The following RAPGEF5 variants were observed in gnomAD, a reference collection of about 807,000 sequenced individuals.
RAPGEF5 encodes Rap guanine nucleotide exchange factor 5.
Under a neutral mutation model 125.2 loss-of-function variants are expected in RAPGEF5, and 65 were observed. The ratio of observed to expected loss-of-function variants is 0.52; its 90% CI spans 0.43 to 0.64. The LOEUF (loss-of-function observed/expected upper bound fraction) is 0.64. RAPGEF5 is among the 30% of genes least tolerant of loss of function. The probability of loss-of-function intolerance (pLI) is 0.00; values close to 1 mark genes in which losing one functional copy is unlikely to be tolerated. For synonymous variants in RAPGEF5, 391 were observed against 385.9 expected (o/e 1.01, Z -0.16); for missense variants, 958 against 1,048.1 (o/e 0.91, Z 1.19).
intron 3 of RAPGEF5, among the ~76,000 whole-genome samples, chr7:22,310,970 T>A (rs1183948721): frequency 1.3e-5 from 2 of 152,146 alleles, no homozygotes; most frequent in Non-Finnish European, 2.9e-5. Context: ...TTCTGAAGTG[T>A]TTTGTCATTT....
chr7:22,126,886 A>T (rs577670936), intron 24 of RAPGEF5, among the ~76,000 whole-genome samples: 51 of 152,038 alleles, frequency 3.4e-4, no homozygotes, highest in African/African-American at 1.2e-3. Context: ...GCCTCCCAGA[A>T]TGCTGAGATT....
intron 7 of RAPGEF5, among the ~76,000 whole-genome samples, chr7:22,257,445 T>C (rs911572814): frequency 6.6e-6 from 1 of 152,216 alleles, no homozygotes; most frequent in African/African-American, 2.4e-5. Context: ...ATTCTATTTA[T>C]GAAACATATG....
At chr7:22,189,052 TAA>T (rs11434267) in intron 11 of RAPGEF5, among the ~76,000 whole-genome samples, 30 of 126,136 alleles carry the variant, frequency 2.4e-4, no homozygotes, top group African/African-American at 6.4e-4. Context: ...CTCATGAAAT[TAA>T]AAAAAAAAAA....
chr7:22,128,105 C>T (rs1782805022), intron 24 of RAPGEF5, among the ~76,000 whole-genome samples: 1 of 152,132 alleles, frequency 6.6e-6, no homozygotes, highest in Non-Finnish European at 1.5e-5. Flanking sequence ...AAGGCTCAAA[C>T]TGATGTAAGG....
chr7:22,167,204 A>C, intron 11 of RAPGEF5, 56 bp from the exon 12 acceptor site: 18 of 1,374,596 alleles, frequency 1.3e-5, no homozygotes, highest in Non-Finnish European at 1.8e-5. Flanking sequence ...TAAGAAGAGC[A>C]GCTGCTTATC....
intron 1 of RAPGEF5, among the ~76,000 whole-genome samples, chr7:22,326,132 T>C (rs1783809876): frequency 6.8e-6 from 1 of 147,266 alleles, no homozygotes; most frequent in Non-Finnish European, 1.5e-5. Context: ...TTTTGAAAGC[T>C]GCAGAACAAT....
chr7:22,154,793 T>TGAATAAAC (rs1783753073), intron 16 of RAPGEF5, among the ~76,000 whole-genome samples, 189 bp from the exon 17 acceptor site: 1 of 152,214 alleles, frequency 6.6e-6, no homozygotes, highest in Non-Finnish European at 1.5e-5. Flanking sequence ...TCTATAAATG[T>TGAATAAAC]GTGCTTGCAA....
intron 23 of RAPGEF5, among the ~76,000 whole-genome samples, chr7:22,133,910 A>G (rs1400211565): frequency 6.6e-6 from 1 of 152,194 alleles, no homozygotes; most frequent in Non-Finnish European, 1.5e-5. Flanking sequence ...AATCCACTTA[A>G]TTGATAATCT....
intron 1 of RAPGEF5, among the ~76,000 whole-genome samples, chr7:22,340,243 G>A (rs1048639810): frequency 6.6e-6 from 1 of 152,192 alleles, no homozygotes; most frequent in South Asian, 2.1e-4. Flanking sequence ...ATTCAGAGAA[G>A]AGAGACTGGG....
intron 24 of RAPGEF5, among the ~76,000 whole-genome samples, chr7:22,129,120 C>G (rs1351264306): frequency 1.3e-5 from 2 of 151,958 alleles, no homozygotes; most frequent in African/African-American, 4.8e-5. Context: ...AAGCTTTCCA[C>G]AGCTTGTTCC....
chr7:22,333,691 TTGG>T (rs1452580811), intron 1 of RAPGEF5, among the ~76,000 whole-genome samples: 1 of 152,228 alleles, frequency 6.6e-6, no homozygotes, highest in Non-Finnish European at 1.5e-5. Flanking sequence ...CCTGCATGAC[TTGG>T]TGGGATTTGC....
At chr7:22,179,861 A>G (rs1211919009) in intron 11 of RAPGEF5, among the ~76,000 whole-genome samples, 1 of 152,208 alleles carries the variant, frequency 6.6e-6, no homozygotes, top group Non-Finnish European at 1.5e-5. Context: ...AAAGGGGAGG[A>G]ACGTTGAGTC....
chr7:22,351,946 G>C (rs1562542801), intron 1 of RAPGEF5, among the ~76,000 whole-genome samples: 1 of 152,152 alleles, frequency 6.6e-6, no homozygotes, highest in African/African-American at 2.4e-5. Flanking sequence ...CATTCAGAGG[G>C]CTACCAGCTG....
At chr7:22,207,723 C>T (rs1328907595) in intron 9 of RAPGEF5, among the ~76,000 whole-genome samples, 4 of 152,118 alleles carry the variant, frequency 2.6e-5, no homozygotes, top group Non-Finnish European at 4.4e-5. Context: ...CAGTGAAACA[C>T]GCCAAGGACT....
intron 6 of RAPGEF5, among the ~76,000 whole-genome samples, chr7:22,268,625 T>G (rs575594210): frequency 2.1e-4 from 32 of 152,256 alleles, no homozygotes; most frequent in African/African-American, 7.5e-4. Context: ...GGTTTCTAGA[T>G]TCTATGATCT....
At chr7:22,263,878 A>G (rs1362558439) in intron 7 of RAPGEF5, among the ~76,000 whole-genome samples, 2 of 152,196 alleles carry the variant, frequency 1.3e-5, no homozygotes, top group Admixed American at 6.5e-5. Context: ...GAGATGATAT[A>G]TAACTTTCAA....
rs535920361 is a variant in RAPGEF5 at position 22,225,623 on chromosome 7, T to G, written c.870+5223A>C. Reference sequence around the variant, plus strand: ...GATTTAATTCAAGAAACCCATGAATTTATTAATATATTGTGGGAGCTTTGC... The same window carrying G: ...GATTTAATTCAAGAAACCCATGAATGTATTAATATATTGTGGGAGCTTTGC... On this transcript the variant is annotated intron_variant, in intron 8 of 25. Transcript: ENST00000665637. 2.6e-5 allele frequency among the ~76,000 whole-genome samples: 4 copies of G among 152,296 alleles called. No homozygotes were observed. In the South Asian group the frequency reaches 8.3e-4, roughly 32 times the overall value.
chr7:22,345,365 G>A (rs1178352675), intron 1 of RAPGEF5, among the ~76,000 whole-genome samples: 1 of 152,132 alleles, frequency 6.6e-6, no homozygotes, highest in African/African-American at 2.4e-5. Context: ...CCTCAGATCT[G>A]CAATTTCAGG....
intron 11 of RAPGEF5, among the ~76,000 whole-genome samples, chr7:22,183,553 A>C (rs1448023095): frequency 1.3e-5 from 2 of 152,212 alleles, no homozygotes; most frequent in Non-Finnish European, 2.9e-5. Flanking sequence ...GAAGCAAATT[A>C]ATGTAAATAA....
Sources: allele counts gnomAD v4.1 joint callset (sites outside exome capture counted in the v4.1 genomes callset), GRCh38; gene constraint gnomAD v4.1.1; transcripts MANE v1.5; gene names NCBI Gene and HGNC (gene_info 2026-07-23, HGNC 2026-07-21).